Variants in SGCZ observed in about 807,000 individuals in gnomAD.
The protein encoded by SGCZ is zeta-sarcoglycan.
SGCZ carries 40 observed loss-of-function variants against 41.3 expected under a neutral mutation model. The observed-to-expected ratio is 0.97, with a 90% CI of 0.75 to 1.26. The LOEUF (loss-of-function observed/expected upper bound fraction) is 1.26, where lower values mean the gene tolerates loss of function less well. SGCZ is among the 50% of genes most tolerant of loss of function. The pLI is 0.00. For missense variants in SGCZ, 552 were observed against 369.8 expected (o/e 1.49, Z -4.04); for synonymous variants, 206 against 137.5 (o/e 1.50, Z -3.49).
At chr8:14,147,319 A>G (rs550446085) in intron 5 of SGCZ, among the ~76,000 whole-genome samples, 2 of 152,278 alleles carry the variant, frequency 1.3e-5, no homozygotes, top group East Asian at 3.9e-4. Context: ...CCTCCAAGAA[A>G]CACACTTGAC....
At chr8:14,790,431 T>A (rs540507723) in intron 1 of SGCZ, among the ~76,000 whole-genome samples, 6 of 152,304 alleles carry the variant, frequency 3.9e-5, no homozygotes, top group African/African-American at 1.4e-4. Flanking sequence ...TCAGTTGGAA[T>A]AAAATTTGGC....
intron 1 of SGCZ, among the ~76,000 whole-genome samples, chr8:14,581,782 A>C (rs1251033487): frequency 6.6e-6 from 1 of 152,208 alleles, no homozygotes; most frequent in East Asian, 1.9e-4. Context: ...TATCAAATGA[A>C]ATTAGTGAAC....
chr8:14,209,396 CCTGA>C (rs1805723156), intron 4 of SGCZ, among the ~76,000 whole-genome samples: 2 of 151,866 alleles, frequency 1.3e-5, no homozygotes, highest in South Asian at 4.2e-4. Context: ...TGTGTGTTTT[CCTGA>C]CCTTAATTTT....
At chr8:15,024,685 C>A (rs966649107) in intron 1 of SGCZ, among the ~76,000 whole-genome samples, 4 of 152,118 alleles carry the variant, frequency 2.6e-5, no homozygotes, top group African/African-American at 7.2e-5. Flanking sequence ...GCCTGTAATC[C>A]CAGCACTTTG....
intron 1 of SGCZ, among the ~76,000 whole-genome samples, chr8:14,622,780 C>G (rs939299476): frequency 6.6e-6 from 1 of 152,062 alleles, no homozygotes; most frequent in African/African-American, 2.4e-5. Context: ...AATAATAAAT[C>G]AAAATAAATT....
rs1002485479 is a variant in SGCZ at position 14,689,363 on chromosome 8, T to C, written c.40-134437A>G. On this transcript the variant is annotated intron_variant, in intron 1 of 7. Coordinates refer to ENST00000382080, the MANE Select transcript of SGCZ (RefSeq NM_139167.4). ...GATTATGTGGTAAGTAAAAAACAAA[T>C]ACATTGTTTAATGCAAATTATAAAG... Among the ~76,000 whole-genome samples, 157 of 152,228 alleles carry C rather than the reference T, an allele frequency of 1.0e-3. 2 individuals carry two copies. The highest frequency in any genetic ancestry group is 3.6e-3 in the African/African-American group (151 of 41,562).
chr8:15,150,899 C>T (rs1174645894), intron 1 of SGCZ, among the ~76,000 whole-genome samples: 1 of 152,096 alleles, frequency 6.6e-6, no homozygotes, highest in Non-Finnish European at 1.5e-5. Flanking sequence ...GTGATTTTTG[C>T]CCTCTCATTT....
intron 1 of SGCZ, among the ~76,000 whole-genome samples, chr8:14,929,161 T>C (rs1799854077): frequency 6.6e-6 from 1 of 152,004 alleles, no homozygotes. Flanking sequence ...CCAGCTAATT[T>C]TTGTAGTTTT....
intron 1 of SGCZ, among the ~76,000 whole-genome samples, chr8:14,825,971 G>T (rs1311239985): frequency 6.6e-6 from 1 of 151,408 alleles, no homozygotes; most frequent in East Asian, 1.9e-4. Context: ...AAGTTTTAGG[G>T]TACATGTGCA....
chr8:14,584,857 A>G (rs1805009042), intron 1 of SGCZ, among the ~76,000 whole-genome samples: 1 of 152,116 alleles, frequency 6.6e-6, no homozygotes, highest in Non-Finnish European at 1.5e-5. Context: ...AAGTACTATT[A>G]TTCCCAATTT....
chr8:14,797,956 A>C (rs1801191825), intron 1 of SGCZ, among the ~76,000 whole-genome samples: 1 of 152,202 alleles, frequency 6.6e-6, no homozygotes, highest in Non-Finnish European at 1.5e-5. Context: ...GGAAACCTCT[A>C]CCTGGATTTC....
At chr8:14,288,945 T>C (rs1401331550) in intron 3 of SGCZ, among the ~76,000 whole-genome samples, 1 of 152,192 alleles carries the variant, frequency 6.6e-6, no homozygotes, top group African/African-American at 2.4e-5. Context: ...TACTTGTTAT[T>C]TTATGTCTTT....
rs1001878455 is a variant in SGCZ at position 14,537,902 on chromosome 8, G to C, written c.234+16830C>G. ...AGAAATGAATCGATAAAAATAGAAA[G>C]AGACCCTCTATCTCCAGGTACAACT... On this transcript the variant is annotated intron_variant, in intron 2 of 7. Transcript: ENST00000382080. Among the ~76,000 whole-genome samples the C allele has an allele frequency of 5.3e-5, 8 of 151,774 alleles. No homozygotes were observed. In the Admixed American group the frequency reaches 5.3e-4, roughly 10 times the overall value.
At chr8:14,204,677 G>A (rs776599793) in intron 4 of SGCZ, among the ~76,000 whole-genome samples, 79 of 152,098 alleles carry the variant, frequency 5.2e-4, no homozygotes, top group African/African-American at 1.4e-3. Flanking sequence ...AATCATCAGC[G>A]GCGCTGGGTA....
At chr8:14,129,008 G>A (rs182006198) in intron 5 of SGCZ, among the ~76,000 whole-genome samples, 7 of 152,040 alleles carry the variant, frequency 4.6e-5, no homozygotes, top group African/African-American at 1.4e-4. Context: ...ATATGAGTAC[G>A]CTAAAAGCCC....
At chr8:14,948,852 A>T (rs910115749) in intron 1 of SGCZ, among the ~76,000 whole-genome samples, 21 of 147,376 alleles carry the variant, frequency 1.4e-4, no homozygotes, top group African/African-American at 4.8e-4. Flanking sequence ...CTTCACATTC[A>T]TTCTTTAACC....
intron 1 of SGCZ, among the ~76,000 whole-genome samples, chr8:15,041,372 C>T (rs1385527997): frequency 2.6e-5 from 4 of 151,648 alleles, no homozygotes; most frequent in African/African-American, 9.7e-5. Context: ...ATATAGAATG[C>T]ATTTTAAAGT....
At chr8:14,451,239 C>T (rs1800584522) in intron 2 of SGCZ, among the ~76,000 whole-genome samples, 1 of 152,176 alleles carries the variant, frequency 6.6e-6, no homozygotes, top group Non-Finnish European at 1.5e-5. Flanking sequence ...GGAAATGTAG[C>T]TACCTTTATG....
At chr8:14,331,707 T>C (rs1366789500) in intron 2 of SGCZ, among the ~76,000 whole-genome samples, 1 of 152,066 alleles carries the variant, frequency 6.6e-6, no homozygotes, top group African/African-American at 2.4e-5. Context: ...TGTTCAAATT[T>C]CATAATTTAT....
Sources: allele counts gnomAD v4.1 joint callset (sites outside exome capture counted in the v4.1 genomes callset), GRCh38; gene constraint gnomAD v4.1.1; transcripts MANE v1.5; gene names NCBI Gene and HGNC (gene_info 2026-07-23, HGNC 2026-07-21).